Variants in GBF1 observed in about 807,000 individuals in gnomAD.
The protein encoded by GBF1 is Golgi-specific brefeldin A-resistance guanine nucleotide exchange factor 1.
GBF1 carries 114 observed loss-of-function variants against 210.5 expected under a neutral mutation model. The observed-to-expected ratio is 0.54, with a 90% confidence interval of 0.47 to 0.63. GBF1 has a LOEUF of 0.63. Among genes scored for constraint, GBF1 ranks in the 30% least tolerant of loss-of-function variants. The pLI is 0.00. For synonymous variants in GBF1, 850 were observed against 889.2 expected (o/e 0.96, Z 0.78); for missense variants, 1,851 against 2,357.7 (o/e 0.79, Z 4.45).
rs1217833812 is a variant in GBF1 at position 102,377,066 on chromosome 10, G to A, written c.4420G>A (p.Gly1474Arg). Residue 1474 changes from glycine (G) to arginine (R), a missense_variant, in exon 33 of 40, where the codon GGG becomes AGG. By Grantham distance (125) the Gly-to-Arg change is moderately radical (BLOSUM62 -2). Around this residue, in one of 3 missense-constraint regions of GBF1, gnomAD observed 967 missense variants for 1,247.7 expected, o/e 0.78. Coordinates refer to ENST00000369983, the MANE Select transcript of GBF1 (RefSeq NM_001377137.1). ...RTSSQHASRG[G>R]QSDDDEDEGV... Reference sequence around the variant, plus strand: ...CTCCAGCCAACATGCCTCTCGGGGCGGGCAGAGTGATGATGATGAGGACGA... The same window carrying A: ...CTCCAGCCAACATGCCTCTCGGGGCAGGCAGAGTGATGATGATGAGGACGA... The A allele has an allele frequency of 1.2e-5, 20 of 1,614,144 alleles. No individual in the cohort carries two copies. The highest frequency in any genetic ancestry group is 2.2e-5 in the East Asian group (1 of 44,872).
intron 3 of GBF1, among the ~76,000 whole-genome samples, chr10:102,293,767 T>TTG (rs1313078616): frequency 3.5e-5 from 1 of 28,920 alleles, no homozygotes; most frequent in African/African-American, 1.5e-4. Flanking sequence ...GTAGTATGTT[T>TTG]TGTGTTTTTT....
At chr10:102,368,935 C>A (rs558421251) in intron 23 of GBF1, 103 bp downstream of exon 23, 37 of 755,548 alleles carry the variant, frequency 4.9e-5, no homozygotes, top group Non-Finnish European at 6.6e-5. Context: ...TCAGCGTCTT[C>A]CCTCACTGCC....
At chr10:102,297,827 G>T (rs886160509) in intron 3 of GBF1, among the ~76,000 whole-genome samples, 7 of 152,070 alleles carry the variant, frequency 4.6e-5, no homozygotes, top group Non-Finnish European at 8.8e-5. Context: ...GCCTTTTATA[G>T]AATTTTTTTC....
chr10:102,360,880 AAGG>A (rs2059560791), intron 12 of GBF1, 139 bp from the exon 13 acceptor site: 1 of 634,614 alleles, frequency 1.6e-6, no homozygotes, highest in Non-Finnish European at 2.8e-6. Flanking sequence ...GAGGCTGAGG[AAGG>A]AGAATATCTT....
intron 39 of GBF1, 140 bp downstream of exon 39, chr10:102,381,395 T>C: frequency 1.3e-6 from 1 of 775,908 alleles, no homozygotes. Context: ...CTGTTGCCGC[T>C]CTTCCCATGG....
intron 3 of GBF1, among the ~76,000 whole-genome samples, chr10:102,278,640 ATCTTC>A (rs2075213274): frequency 6.6e-6 from 1 of 152,218 alleles, no homozygotes; most frequent in African/African-American, 2.4e-5. Context: ...AGCATTTCAA[ATCTTC>A]TCTTATAGCT....
chr10:102,356,466 G>T (rs1311695957), intron 8 of GBF1, among the ~76,000 whole-genome samples: 1 of 151,978 alleles, frequency 6.6e-6, no homozygotes, highest in African/African-American at 2.4e-5. Context: ...AAAACATCAG[G>T]GCTTAAAAAA....
chr10:102,243,181 T>C (rs931901830), upstream of GBF1, among the ~76,000 whole-genome samples: 3 of 152,176 alleles, frequency 2.0e-5, no homozygotes, highest in Admixed American at 2.0e-4. Flanking sequence ...ACTCCTCCAA[T>C]GTTCCACTCA....
intron 33 of GBF1, among the ~76,000 whole-genome samples, chr10:102,377,578 C>G (rs931270729): frequency 6.6e-6 from 1 of 152,084 alleles, no homozygotes; most frequent in Non-Finnish European, 1.5e-5. Flanking sequence ...TGGCCTTGAT[C>G]TCCTGACCTC....
In GBF1 at chr10:102,381,234, C is replaced by CCAT. The variant is rs1171696219; in HGVS notation, c.5283_5285dup (p.Ser1762dup). On this transcript the variant is annotated inframe_insertion, in exon 39 of 40. Transcript: ENST00000369983. ...TGGCCATCCACCGCCCCCAGAGATT[C>CCAT]CATCTGAGCTGGGGGCCTGTGGTGA... The CCAT allele has an allele frequency of 6.2e-7, 1 of 1,613,864 alleles. No homozygotes were observed. The highest frequency in any genetic ancestry group is 8.5e-7 in the Non-Finnish European group (1 of 1,179,936).
intron 3 of GBF1, among the ~76,000 whole-genome samples, chr10:102,283,401 A>G (rs1383594461): frequency 6.6e-6 from 1 of 152,214 alleles, no homozygotes; most frequent in Non-Finnish European, 1.5e-5. Flanking sequence ...GGAAATAGCA[A>G]TGAGCAAAAC....
At chr10:102,314,778 T>TC (rs2078790964) in intron 3 of GBF1, among the ~76,000 whole-genome samples, 1 of 152,164 alleles carries the variant, frequency 6.6e-6, no homozygotes, top group South Asian at 2.1e-4. Context: ...TTCTCAAACC[T>TC]CCTTTTCTTC....
chr10:102,363,968 T>C lies in GBF1; in HGVS notation c.2106+170T>C, dbSNP rs191630086. 1.1e-4 allele frequency among the ~76,000 whole-genome samples: 16 copies of C among 152,194 alleles called. No individual in the cohort carries two copies. Among genetic ancestry groups the C allele is most frequent in the Admixed American group, 7.2e-4 (11 of 15,302 alleles). On this transcript the variant is annotated intron_variant, in intron 17 of 39. Transcript: ENST00000369983. This position sits in a 1 kb window ranked among gnomAD's most constrained non-coding sequence, Gnocchi z 4.2. ...CAACTCCCATTTGAAGCCCTTCCCT[T>C]ACTCCTAAGCTATGTAGTTGAGCAT... is the stretch of plus-strand genomic sequence containing the variant.
intron 3 of GBF1, among the ~76,000 whole-genome samples, chr10:102,321,598 C>T (rs1412970941): frequency 1.3e-5 from 2 of 152,206 alleles, no homozygotes; most frequent in Non-Finnish European, 2.9e-5. Context: ...GAGACGGAGT[C>T]TCGCTCTACT....
At chr10:102,305,631 A>G (rs1203585102) in intron 3 of GBF1, among the ~76,000 whole-genome samples, 1 of 152,098 alleles carries the variant, frequency 6.6e-6, no homozygotes, top group African/African-American at 2.4e-5. Flanking sequence ...GAAAAAAGAA[A>G]TTGGAGTCCT....
chr10:102,332,791 A>G (rs1302204340), intron 3 of GBF1, among the ~76,000 whole-genome samples: 1 of 152,190 alleles, frequency 6.6e-6, no homozygotes, highest in Non-Finnish European at 1.5e-5. Context: ...TGATTAAGCC[A>G]TAATCATACT....
Position 102,351,851 on chromosome 10 carries a change from G to T in GBF1, c.423G>T (p.Arg141=), listed in dbSNP as rs1230679820. ...VVLMKILQVL[R]TLLLTPVGAH... is the part of the protein sequence containing the mutation. ...CTTTTTCTTCCTGATAGGTTCTACGGACTCTGCTGCTAACCCCAGTGGGTG... is the reference window on the plus strand; with the variant it reads ...CTTTTTCTTCCTGATAGGTTCTACGTACTCTGCTGCTAACCCCAGTGGGTG... Residue 141 remains arginine (R), a synonymous_variant, in exon 6 of 40, where the codon CGG becomes CGT. Coordinates refer to ENST00000369983, the MANE Select transcript of GBF1 (RefSeq NM_001377137.1). The T allele has an allele frequency of 7.0e-6, 11 of 1,581,136 alleles. No homozygotes were observed. In the East Asian group the frequency reaches 2.0e-4, roughly 29 times the overall value.
intron 30 of GBF1, 92 bp downstream of exon 30, chr10:102,375,676 C>A: frequency 1.2e-6 from 1 of 808,340 alleles, no homozygotes; most frequent in Non-Finnish European, 2.0e-6. Context: ...TTACTGTGTT[C>A]AGCAGATTAA....
chr10:102,368,554 TGGG>T, intron 22 of GBF1, 100 bp downstream of exon 22: 1 of 870,876 alleles, frequency 1.1e-6, no homozygotes. Flanking sequence ...TTCATTAGAA[TGGG>T]GTTCCCCCTG....
Sources: gnomAD v4.1 joint callset for allele counts (sites outside exome capture counted in the v4.1 genomes callset) on GRCh38, gnomAD v4.1.1 for gene constraint, gnomAD v4.1.1 regional missense constraint, Gnocchi (gnomAD v3.1) non-coding constraint, MANE v1.5 for transcripts, NCBI Gene and HGNC (gene_info 2026-07-23, HGNC 2026-07-21) for gene names.